PUM2: variants seen among roughly 807,000 people sequenced by gnomAD.
The protein encoded by PUM2 is pumilio homolog 2.
Under a neutral mutation model 124.5 loss-of-function variants are expected in PUM2, and 57 were observed. The observed-to-expected ratio is 0.46, with a 90% CI of 0.37 to 0.57. PUM2 has a LOEUF of 0.57. PUM2 is among the 20% of genes least tolerant of loss of function. The probability of loss-of-function intolerance (pLI) is 0.00; values close to 1 mark genes in which losing one functional copy is unlikely to be tolerated. For synonymous variants in PUM2, 460 were observed against 446.1 expected, an observed-to-expected ratio of 1.03 and a Z score of -0.39; for missense variants, 1,065 against 1,290.6, an observed-to-expected ratio of 0.83 and a Z score of 2.68.
chr2:20,313,835 CA>C (rs35569645), intron 3 of PUM2, among the ~76,000 whole-genome samples: 11,806 of 53,624 alleles, frequency 0.22, 276 homozygotes, highest in East Asian at 0.27. Flanking sequence ...GATCCTGTCT[CA>C]AAAAAAAAAA....
intron 17 of PUM2, 96 bp from the exon 18 acceptor site, chr2:20,255,437 C>G (rs1664552146): frequency 1.6e-6 from 2 of 1,230,822 alleles, no homozygotes; most frequent in Non-Finnish European, 2.2e-6. Context: ...TTTGACAACA[C>G]CTAAAAGCAG....
chr2:20,272,220 T>C (rs971517914), intron 13 of PUM2, among the ~76,000 whole-genome samples: 5 of 152,156 alleles, frequency 3.3e-5, no homozygotes, highest in African/African-American at 9.7e-5. Context: ...AAAGCATCCT[T>C]TGAGAAGCAG....
intron 13 of PUM2, among the ~76,000 whole-genome samples, chr2:20,276,922 CA>C (rs1324946120): frequency 6.6e-6 from 1 of 152,098 alleles, no homozygotes; most frequent in Non-Finnish European, 1.5e-5. Context: ...TTATTTCCCA[CA>C]ACTGACCAGA....
chr2:20,285,746 T>C (rs1020096227), intron 10 of PUM2, among the ~76,000 whole-genome samples: 3 of 152,198 alleles, frequency 2.0e-5, no homozygotes, highest in Non-Finnish European at 4.4e-5. Context: ...GAGATCATTT[T>C]CTGCTTCAAG....
intron 3 of PUM2, among the ~76,000 whole-genome samples, chr2:20,313,833 C>CT (rs1680235352): frequency 3.6e-5 from 2 of 55,622 alleles, no homozygotes; most frequent in Non-Finnish European, 6.4e-5. Context: ...GAGATCCTGT[C>CT]TCAAAAAAAA....
intron 1 of PUM2, chr2:20,350,388 C>T (rs1473730127): frequency 2.5e-6 from 2 of 808,084 alleles, no homozygotes; most frequent in Non-Finnish European, 3.0e-6. Flanking sequence ...GCGCGGCGCC[C>T]CCTCCCCCGC....
chr2:20,256,706 G>T (rs930540524), intron 16 of PUM2, among the ~76,000 whole-genome samples: 1 of 152,100 alleles, frequency 6.6e-6, no homozygotes, highest in Non-Finnish European at 1.5e-5. Context: ...CCTAAGGGAA[G>T]AATTAATGTC....
chr2:20,308,141 A>G, intron 6 of PUM2, 70 bp from the exon 7 acceptor site: 1 of 1,525,888 alleles, frequency 6.6e-7, no homozygotes. Context: ...AATCTGAATA[A>G]AACATTTTAA....
Position 20,306,236 on chromosome 2 carries a change from A to G in PUM2, c.883+1742T>C, listed in dbSNP as rs145326836. On this transcript the variant is annotated intron_variant, in intron 7 of 20. Transcript: ENST00000361078. ...AACAACAACAAAAACAATAACAACA[A>G]AAAAAACCTGATGCTTGATGGCATA... is the stretch of plus-strand genomic sequence containing the variant. Among the ~76,000 whole-genome samples, 21 of 152,268 alleles carry G rather than the reference A, an allele frequency of 1.4e-4. No homozygotes were observed. In the East Asian group the frequency reaches 4.1e-3, roughly 29 times the overall value.
intron 2 of PUM2, among the ~76,000 whole-genome samples, chr2:20,321,343 G>T (rs370874405): frequency 6.6e-5 from 10 of 152,152 alleles, no homozygotes; most frequent in East Asian, 1.9e-4. Flanking sequence ...TGGGAAGCGG[G>T]GGGGAGGGGA....
intron 7 of PUM2, among the ~76,000 whole-genome samples, chr2:20,304,948 G>T (rs1169180180): frequency 1.3e-5 from 2 of 152,008 alleles, no homozygotes; most frequent in Non-Finnish European, 2.9e-5. Context: ...CTATCGACTA[G>T]TCCTTTTCTA....
At chr2:20,338,145 C>T (rs184397480) in intron 1 of PUM2, among the ~76,000 whole-genome samples, 1 of 152,272 alleles carries the variant, frequency 6.6e-6, no homozygotes, top group African/African-American at 2.4e-5. Context: ...GCCTGTAATC[C>T]CAGCACTTTA....
At chr2:20,265,880 TA>T (rs1667530302) in intron 13 of PUM2, among the ~76,000 whole-genome samples, 1 of 152,122 alleles carries the variant, frequency 6.6e-6, no homozygotes, top group South Asian at 2.1e-4. Flanking sequence ...CTTAATGCAT[TA>T]AAGATTTTCG....
At chr2:20,345,120 G>A (rs1221141535) in intron 1 of PUM2, among the ~76,000 whole-genome samples, 1 of 148,242 alleles carries the variant, frequency 6.7e-6, no homozygotes, top group Non-Finnish European at 1.5e-5. Flanking sequence ...GGGCCGGGGA[G>A]ACAGGGCCTC....
chr2:20,340,398 T>C (rs1573014565), intron 1 of PUM2, among the ~76,000 whole-genome samples: 1 of 152,338 alleles, frequency 6.6e-6, no homozygotes, highest in East Asian at 1.9e-4. Flanking sequence ...CCTTTCTCAG[T>C]ACATATATGG....
chr2:20,252,236 T>A (rs1348944664), intron 20 of PUM2, among the ~76,000 whole-genome samples: 1 of 152,122 alleles, frequency 6.6e-6, no homozygotes. Flanking sequence ...CTGGGCAACA[T>A]AGCGAGACCG....
intron 1 of PUM2, among the ~76,000 whole-genome samples, chr2:20,342,678 C>T (rs1034094924): frequency 2.6e-5 from 4 of 152,084 alleles, no homozygotes; most frequent in African/African-American, 4.8e-5. Context: ...CTTATTATGA[C>T]TTATGAATAG....
intron 4 of PUM2, 100 bp downstream of exon 4, chr2:20,312,136 T>C: frequency 2.7e-6 from 3 of 1,131,816 alleles, no homozygotes; most frequent in Non-Finnish European, 1.2e-6. Flanking sequence ...CTCTTAGCTA[T>C]AGGAAGGGCA....
At chr2:20,281,255 C>T (rs1289177393) in intron 12 of PUM2, among the ~76,000 whole-genome samples, 1 of 152,022 alleles carries the variant, frequency 6.6e-6, no homozygotes, top group Non-Finnish European at 1.5e-5. Context: ...TTAAGTAAGC[C>T]ATGCTTGTAA....
Sources: gnomAD v4.1 joint callset for allele counts (sites outside exome capture counted in the v4.1 genomes callset) on GRCh38, gnomAD v4.1.1 for gene constraint, MANE v1.5 for transcripts, NCBI Gene and HGNC (gene_info 2026-07-23, HGNC 2026-07-21) for gene names.